Variants in FGFR1 observed in about 807,000 individuals in gnomAD.
FGFR1 encodes fibroblast growth factor receptor 1.
A neutral mutation model predicts 93.7 loss-of-function variants in FGFR1; 18 were observed. The ratio of observed to expected loss-of-function variants is 0.19; its 90% CI spans 0.13 to 0.28. FGFR1 has a LOEUF of 0.28. Ranked by LOEUF, FGFR1 falls within the 10% of genes least tolerant of loss-of-function variation. The pLI is 1.00. For synonymous variants in FGFR1, 448 were observed against 429.3 expected, an observed-to-expected ratio of 1.04 and a Z score of -0.54; for missense variants, 731 against 1,080.4, an observed-to-expected ratio of 0.68 and a Z score of 4.53.
At position 38,424,349 on chromosome 8, in the gene FGFR1, G is replaced by T; in HGVS notation, c.936+160C>A. On this transcript the variant is annotated intron_variant, in intron 7 of 17. Coordinates refer to ENST00000447712, the MANE Select transcript of FGFR1 (RefSeq NM_023110.3). The surrounding 1 kb of genome is among the most constrained non-coding windows in gnomAD (Gnocchi z 4.3). ...TTGTGACCTCTGTTACTAGTCCTGG[G>T]GGATGTGGCTAGATCCCTACTGAGA... The T allele has an allele frequency of 1.2e-6, 1 of 805,378 alleles. No homozygotes were observed. The allele number at this position is 805,378 out of a possible 1,614,324, so 49.9% of individuals were successfully genotyped here.
At chr8:38,445,909 A>C (rs1323884909) in intron 2 of FGFR1, among the ~76,000 whole-genome samples, 2 of 152,078 alleles carry the variant, frequency 1.3e-5, no homozygotes, top group African/African-American at 2.4e-5. Flanking sequence ...TAGTAAAGGA[A>C]ACTGACTCTT....
intron 8 of FGFR1, 62 bp downstream of exon 8, chr8:38,421,735 G>A (rs2150748962): frequency 6.4e-7 from 1 of 1,567,268 alleles, no homozygotes; most frequent in South Asian, 1.1e-5. Context: ...GCCTGGAAAT[G>A]CATGCTCCCC....
At chr8:38,442,767 A>C (rs1231233050) in intron 2 of FGFR1, among the ~76,000 whole-genome samples, 4 of 152,198 alleles carry the variant, frequency 2.6e-5, no homozygotes, top group African/African-American at 7.2e-5. Context: ...GCCGCTCCCT[A>C]AACTTGCTGA....
At chr8:38,417,466 G>A (rs2150633836) in intron 11 of FGFR1, 50 bp from the exon 12 acceptor site, 2 of 1,507,636 alleles carry the variant, frequency 1.3e-6, no homozygotes, top group Non-Finnish European at 1.8e-6. Flanking sequence ...AGGAGGGCAG[G>A]ATAAAGGCTA....
chr8:38,428,317 G>A (rs751218740), intron 4 of FGFR1, 29 bp downstream of exon 4: 4 of 1,606,998 alleles, frequency 2.5e-6, no homozygotes, highest in African/African-American at 1.3e-5. Context: ...CAGACCCAAA[G>A]GGCAGTAAGA....
intron 7 of FGFR1, 91 bp from the exon 8 acceptor site, chr8:38,422,032 G>C (rs2150763904): frequency 1.4e-6 from 2 of 1,448,910 alleles, no homozygotes; most frequent in Non-Finnish European, 1.9e-6. Context: ...AAAGAAGGGG[G>C]ACTAGAGGAA....
chr8:38,452,200 G>GACACACACAC (rs3051753), intron 2 of FGFR1, among the ~76,000 whole-genome samples: 24 of 139,096 alleles, frequency 1.7e-4, no homozygotes, highest in Non-Finnish European at 2.9e-4. Context: ...CAGACACACA[G>GACACACACAC]ACACACACAC....
intron 2 of FGFR1, among the ~76,000 whole-genome samples, chr8:38,453,071 C>T (rs1831596381): frequency 6.6e-6 from 1 of 152,174 alleles, no homozygotes; most frequent in Non-Finnish European, 1.5e-5. Context: ...TACAAGGTTC[C>T]TTACAGCTTA....
intron 2 of FGFR1, among the ~76,000 whole-genome samples, chr8:38,454,845 C>A (rs1018577400): frequency 6.6e-6 from 1 of 152,178 alleles, no homozygotes; most frequent in Non-Finnish European, 1.5e-5. Context: ...GTGCACCTCA[C>A]TCTTTCCTCC....
At chr8:38,452,509 T>C (rs1171421155) in intron 2 of FGFR1, among the ~76,000 whole-genome samples, 2 of 152,118 alleles carry the variant, frequency 1.3e-5, no homozygotes, top group Admixed American at 6.5e-5. Context: ...GGACTGCCGA[T>C]GTGTGCCACG....
rs200596591 is a variant in FGFR1 at position 38,457,400 on chromosome 8, G to A, written c.47C>T (p.Ala16Val). The A allele has an allele frequency of 1.5e-5, 24 of 1,613,758 alleles. No individual in the cohort carries two copies. Among genetic ancestry groups the A allele is most frequent in the Non-Finnish European group, 2.0e-5 (24 of 1,180,004 alleles). ...GGACGGCCTAGCGGTGCAGAGTGTG[G>A]CTGTGACCAGCACAGCCCAGAAGAG... ...CLLFWAVLVT[A>V]TLCTARPSPT... Residue 16 changes from alanine to valine, a missense_variant, in exon 2 of 18, where the codon GCC (alanine) becomes GTC (valine). Transcript: ENST00000447712.
intron 1 of FGFR1, among the ~76,000 whole-genome samples, chr8:38,462,593 T>G (rs1834646602): frequency 6.6e-6 from 1 of 152,148 alleles, no homozygotes; most frequent in African/African-American, 2.4e-5. Context: ...TAACTCATGT[T>G]ATAATGTTAT....
rs528523076 is a variant in FGFR1 at position 38,411,451 on chromosome 8, T to C, written c.*2177A>G. The C allele has an allele frequency of 4.4e-6, 1 of 225,676 alleles. No homozygotes were observed. Among genetic ancestry groups the C allele is most frequent in the East Asian group, 6.4e-5 (1 of 15,510 alleles). The allele number at this position is 225,676 out of a possible 1,614,324, so 14.0% of individuals were successfully genotyped here. On this transcript the variant is annotated 3_prime_UTR_variant, in exon 18 of 18. Transcript: ENST00000447712. ...GTTCTGTTCACCAAATGATGCCTTCTTTAAACATAAATACAAATTGTAATG... is the reference window on the plus strand; with the variant it reads ...GTTCTGTTCACCAAATGATGCCTTCCTTAAACATAAATACAAATTGTAATG...
chr8:38,428,476 C>G (rs1203167763), intron 3 of FGFR1, 41 bp from the exon 4 acceptor site: 1 of 1,534,526 alleles, frequency 6.5e-7, no homozygotes, highest in Non-Finnish European at 8.9e-7. Flanking sequence ...CTCCTAGGGA[C>G]CCCTAGATTT....
At chr8:38,421,065 C>T (rs1818588727) in intron 8 of FGFR1, among the ~76,000 whole-genome samples, 1 of 152,138 alleles carries the variant, frequency 6.6e-6, no homozygotes, top group African/African-American at 2.4e-5. Context: ...GCAGTGCCAG[C>T]AGGAACAGCC....
At chr8:38,425,138 T>C (rs1391265895) in intron 6 of FGFR1, among the ~76,000 whole-genome samples, 2 of 145,122 alleles carry the variant, frequency 1.4e-5, no homozygotes, top group African/African-American at 4.9e-5. Flanking sequence ...CAGAATCTCC[T>C]TTTTACCTTT....
Position 38,440,348 on chromosome 8 carries a change from C to T in FGFR1, c.92-10400G>A, listed in dbSNP as rs367638081. ...CGGCCAGAGTGCAGAAGCATCTCACCGAAATCCCGGGTCACAGCTGCCATC... is the reference window on the plus strand; with the variant it reads ...CGGCCAGAGTGCAGAAGCATCTCACTGAAATCCCGGGTCACAGCTGCCATC... On this transcript the variant is annotated intron_variant, in intron 2 of 17. Coordinates refer to ENST00000447712, the MANE Select transcript of FGFR1 (RefSeq NM_023110.3). 4.7e-5 allele frequency: 75 copies of T among 1,602,368 alleles called. 1 individual carries two copies. The African/African-American group carries it at 5.4e-4, about 11-fold the overall frequency.
intron 1 of FGFR1, among the ~76,000 whole-genome samples, chr8:38,457,888 C>G (rs1457017514): frequency 6.6e-6 from 1 of 152,100 alleles, no homozygotes; most frequent in Non-Finnish European, 1.5e-5. Context: ...GAGGCTAAGG[C>G]AAGAGAATCG....
At chr8:38,431,008 T>C (rs144198164) in intron 2 of FGFR1, among the ~76,000 whole-genome samples, 1 of 152,314 alleles carries the variant, frequency 6.6e-6, no homozygotes, top group East Asian at 1.9e-4. Context: ...TTTTAGGATG[T>C]TCAAATGTAC....
Sources: gnomAD v4.1 joint callset for allele counts (sites outside exome capture counted in the v4.1 genomes callset) on GRCh38, gnomAD v4.1.1 for gene constraint, Gnocchi (gnomAD v3.1) non-coding constraint, MANE v1.5 for transcripts, NCBI Gene and HGNC (gene_info 2026-07-23, HGNC 2026-07-21) for gene names.